SYNE1: variants seen among roughly 807,000 people sequenced by gnomAD.
SYNE1 encodes the protein spectrin repeat containing nuclear envelope protein 1, also known as nesprin-1.
In SYNE1, 616 loss-of-function variants were observed where a neutral mutation model predicts 1,111.0. The observed-to-expected ratio is 0.55, with a 90% CI of 0.52 to 0.59. The LOEUF (loss-of-function observed/expected upper bound fraction) is 0.59, where lower values mean the gene tolerates loss of function less well. Ranked by LOEUF, SYNE1 falls within the 20% of genes least tolerant of loss-of-function variation. SYNE1 has a pLI of 0.00. For synonymous variants in SYNE1, 3,855 were observed against 3,825.8 expected (o/e 1.01, Z -0.28); for missense variants, 10,006 against 10,417.0 (o/e 0.96, Z 1.72).
chr6:152,243,254 C>T (rs375753865), intron 106 of SYNE1, among the ~76,000 whole-genome samples: 1 of 152,162 alleles, frequency 6.6e-6, no homozygotes, highest in Non-Finnish European at 1.5e-5. Flanking sequence ...ATATCCTTAA[C>T]ATTTTCCTGC....
At chr6:152,573,036 C>T (rs969964101) in intron 3 of SYNE1, among the ~76,000 whole-genome samples, 13 of 152,002 alleles carry the variant, frequency 8.6e-5, no homozygotes, top group African/African-American at 2.9e-4. Context: ...TTAGATAACA[C>T]CTTGTTGAAT....
chr6:152,298,435 A>T (rs1380699085), intron 93 of SYNE1, among the ~76,000 whole-genome samples: 1 of 152,206 alleles, frequency 6.6e-6, no homozygotes, highest in East Asian at 1.9e-4. Context: ...CGGTATTTCT[A>T]CCTTCAAGTA....
intron 3 of SYNE1, among the ~76,000 whole-genome samples, chr6:152,624,542 T>G (rs760998887): frequency 8.5e-5 from 13 of 152,212 alleles, no homozygotes; most frequent in Admixed American, 2.6e-4. Context: ...TGGTCTTGAA[T>G]AGCAGAAAAT....
chr6:152,612,704 T>G (rs1378331490), intron 3 of SYNE1, among the ~76,000 whole-genome samples: 1 of 151,994 alleles, frequency 6.6e-6, no homozygotes, highest in Non-Finnish European at 1.5e-5. Context: ...GAAAAAAGAA[T>G]TTTAGACCAA....
At chr6:152,384,073 A>G (rs1380749299) in intron 55 of SYNE1, among the ~76,000 whole-genome samples, 1 of 152,202 alleles carries the variant, frequency 6.6e-6, no homozygotes, top group African/African-American at 2.4e-5. Context: ...ATGATGCTAC[A>G]GGTTTTATGT....
chr6:152,232,113 T>G lies in SYNE1; in HGVS notation c.20862+3A>C. 1 of 1,564,770 alleles carries G rather than the reference T, an allele frequency of 6.4e-7. No individual in the cohort carries two copies. On this transcript the variant is annotated splice_donor_region_variant and intron_variant, in intron 113 of 145. Coordinates refer to ENST00000367255, the MANE Select transcript of SYNE1 (RefSeq NM_182961.4). ...AAAGTTAAAAACAAAAAATTTTAAT[T>G]ACCTTATATTTCTGAAGGTATTCAT...
In SYNE1 at chr6:152,315,197, C is replaced by CTATTTTTTTTTTTTTTTTT. The variant is rs1159137526; in HGVS notation, c.16710+1651_16710+1652insAAAAAAAAAAAAAAAAATA. 2 of 110,944 alleles carry CTATTTTTTTTTTTTTTTTT rather than the reference C, an allele frequency of 1.8e-5. 1 individual carries two copies. The allele number at this position is 110,944 out of a possible 1,614,324, so 6.9% of individuals were successfully genotyped here. A position where few individuals can be genotyped will look rare whatever the true frequency, so the allele number is the denominator to read the frequency against. On this transcript the variant is annotated intron_variant, in intron 87 of 145. Transcript: ENST00000367255. ...AGGAGCCAACAGGCCAGAGTAGTAA[C>CTATTTTTTTTTTTTTTTTT]TTTTTTTTTTTTTTTTTTTTTTTTG... is the stretch of plus-strand genomic sequence containing the variant.
At chr6:152,302,257 G>T in intron 91 of SYNE1, 194 bp from the exon 92 acceptor site, 1 of 737,898 alleles carries the variant, frequency 1.4e-6, no homozygotes, top group South Asian at 1.6e-5. Flanking sequence ...CGCGGCGCAG[G>T]CACAGCCAAA....
At chr6:152,201,082 C>T (rs2075309758) in intron 127 of SYNE1, among the ~76,000 whole-genome samples, 1 of 152,154 alleles carries the variant, frequency 6.6e-6, no homozygotes, top group Admixed American at 6.5e-5. Flanking sequence ...GACTGGGGAA[C>T]ACAAGGGCAT....
At chr6:152,446,167 C>T (rs1474350460) in intron 29 of SYNE1, among the ~76,000 whole-genome samples, 4 of 138,180 alleles carry the variant, frequency 2.9e-5, no homozygotes, top group East Asian at 2.1e-4. Flanking sequence ...CTGTGAATAA[C>T]GACAAGTATT....
intron 139 of SYNE1, among the ~76,000 whole-genome samples, chr6:152,140,760 G>A (rs111602961): frequency 6.6e-6 from 1 of 152,176 alleles, no homozygotes; most frequent in South Asian, 2.1e-4. Flanking sequence ...TTGGCCAGGT[G>A]TGGTGGCTCA....
In SYNE1 at chr6:152,578,160, C is replaced by A. The variant is rs181982013; in HGVS notation, c.68-38139G>T. On this transcript the variant is annotated intron_variant, in intron 3 of 145. Transcript: ENST00000367255. The stretch of plus-strand genomic sequence containing the variant: ...AATCTGAAACTTTATATTTTTTTCA[C>A]TTTTCAAAAAGTTTTTAAATTATGA... Among the ~76,000 whole-genome samples the A allele has an allele frequency of 5.3e-5, 8 of 151,992 alleles. No individual in the cohort carries two copies. In the East Asian group the frequency reaches 1.5e-3, roughly 29 times the overall value.
At chr6:152,399,995 C>T (rs1185400391) in intron 47 of SYNE1, among the ~76,000 whole-genome samples, 172 bp from the exon 48 acceptor site, 8 of 152,044 alleles carry the variant, frequency 5.3e-5, no homozygotes, top group Non-Finnish European at 1.2e-4. Context: ...CTGATTCTTT[C>T]AGAATTTTGC....
rs1267855271 is a variant in SYNE1, at chr6:152,541,747, C to CA, written c.68-1727dup. On this transcript the variant is annotated intron_variant, in intron 3 of 145. Transcript: ENST00000367255. ...TGGGCGTCAGAGTGAGACTCCATCT[C>CA]AAAAAAAAAAAAAAAAAAGAAAAGA... Among the ~76,000 whole-genome samples the CA allele has an allele frequency of 8.1e-3, 488 of 60,080 alleles. 7 individuals carry two copies. The highest frequency in any genetic ancestry group is 0.024 in the African/African-American group (256 of 10,488). The allele number at this position is 60,080 out of a possible 152,430, so 39.4% of individuals were successfully genotyped here. A position where few individuals can be genotyped will look rare whatever the true frequency, so the allele number is the denominator to read the frequency against.
intron 63 of SYNE1, among the ~76,000 whole-genome samples, chr6:152,364,453 CT>C (rs5880969): frequency 0.2 from 30,123 of 147,976 alleles, 4,258 homozygotes; most frequent in African/African-American, 0.4. Context: ...CATTATGAAT[CT>C]TTTTTTTTTT....
In SYNE1 at chr6:152,219,046, C is replaced by T; in HGVS notation, c.22001G>A (p.Cys7334Tyr). Residue 7334 changes from cysteine (C) to tyrosine (Y), a missense_variant, in exon 120 of 146, where the codon TGT becomes TAT. This residue lies in a region of SYNE1 where 2,182 missense variants were observed against 2,287.8 expected (regional missense o/e 0.95). Transcript: ENST00000367255. ...SDQLSLSQHL[C>Y]ALEQALCKQQ... ...TTTGCAGAGAGCTTGCTCCAGGGCACACAAGTGTTGACTCAAAGAGAGTTG... is the reference window on the plus strand; with the variant it reads ...TTTGCAGAGAGCTTGCTCCAGGGCATACAAGTGTTGACTCAAAGAGAGTTG... 2 of 1,614,148 alleles carry T rather than the reference C, an allele frequency of 1.2e-6. No homozygotes were observed. The highest frequency in any genetic ancestry group is 1.7e-6 in the Non-Finnish European group (2 of 1,180,014).
At chr6:152,359,825 T>C (rs1434595872) in intron 64 of SYNE1, among the ~76,000 whole-genome samples, 1 of 151,670 alleles carries the variant, frequency 6.6e-6, no homozygotes, top group Non-Finnish European at 1.5e-5. Context: ...CCATCTCTTT[T>C]CAAACAGCAA....
chr6:152,519,288 G>A (rs889440088), intron 6 of SYNE1, among the ~76,000 whole-genome samples: 12 of 152,104 alleles, frequency 7.9e-5, no homozygotes, highest in South Asian at 4.1e-4. Flanking sequence ...TAAAAGGAAC[G>A]AAGCCTCTTT....
intron 3 of SYNE1, chr6:152,546,566 T>C (rs1032072765): frequency 2.0e-5 from 3 of 152,212 alleles, no homozygotes; most frequent in Non-Finnish European, 4.4e-5. Context: ...ACAAGGAAAC[T>C]GGTCTAAGAT....
Sources: allele counts gnomAD v4.1 joint callset (sites outside exome capture counted in the v4.1 genomes callset), GRCh38; gene constraint gnomAD v4.1.1; regional missense constraint gnomAD v4.1.1; transcripts MANE v1.5; gene names NCBI Gene and HGNC (gene_info 2026-07-23, HGNC 2026-07-21).